Variants in FBXL20 observed in about 807,000 individuals in gnomAD.
FBXL20 encodes F-box and leucine rich repeat protein 20.
FBXL20 carries 11 observed loss-of-function variants against 64.0 expected under a neutral mutation model. The observed-to-expected ratio is 0.17, with a 90% confidence interval of 0.11 to 0.28. The LOEUF (loss-of-function observed/expected upper bound fraction) is 0.28, where lower values mean the gene tolerates loss of function less well. Ranked by LOEUF, FBXL20 falls within the 10% of genes least tolerant of loss-of-function variation. The pLI is 1.00. For missense variants in FBXL20, 303 were observed against 526.2 expected, an observed-to-expected ratio of 0.58 and a Z score of 4.15; for synonymous variants, 184 against 189.0, an observed-to-expected ratio of 0.97 and a Z score of 0.22.
intron 12 of FBXL20, among the ~76,000 whole-genome samples, chr17:39,268,367 T>C (rs924007657): frequency 6.6e-6 from 1 of 151,776 alleles, no homozygotes; most frequent in African/African-American, 2.4e-5. Context: ...AAAATAATAA[T>C]AATAATTAAA....
chr17:39,386,058 A>G (rs1281729436), intron 1 of FBXL20, among the ~76,000 whole-genome samples: 1 of 138,588 alleles, frequency 7.2e-6, no homozygotes, highest in African/African-American at 2.8e-5. Flanking sequence ...CCAACTAATC[A>G]GTCCTGCTGG....
chr17:39,387,694 C>T (rs1170949538), intron 1 of FBXL20, among the ~76,000 whole-genome samples: 1 of 151,806 alleles, frequency 6.6e-6, no homozygotes, highest in East Asian at 1.9e-4. Flanking sequence ...CCTTCTACCT[C>T]ACCCTCCCAA....
At chr17:39,366,864 G>A (rs2047864861) in intron 1 of FBXL20, among the ~76,000 whole-genome samples, 1 of 148,234 alleles carries the variant, frequency 6.7e-6, no homozygotes, top group African/African-American at 2.5e-5. Flanking sequence ...TTGGTCTGAG[G>A]TTATTATTCT....
chr17:39,359,200 C>G (rs957932113), intron 1 of FBXL20, among the ~76,000 whole-genome samples: 1 of 151,852 alleles, frequency 6.6e-6, no homozygotes, highest in African/African-American at 2.4e-5. Flanking sequence ...CGTGGCGGCA[C>G]GCACTTGTAC....
At chr17:39,339,702 G>C (rs546079983) in intron 2 of FBXL20, among the ~76,000 whole-genome samples, 9 of 151,992 alleles carry the variant, frequency 5.9e-5, no homozygotes, top group Non-Finnish European at 7.4e-5. Context: ...CTGGAGTGCA[G>C]TGGCACGTGA....
At chr17:39,303,884 C>T (rs1425679768) in intron 2 of FBXL20, among the ~76,000 whole-genome samples, 1 of 152,050 alleles carries the variant, frequency 6.6e-6, no homozygotes. Flanking sequence ...CGGGGTTTCA[C>T]CATGTTGCCC....
At chr17:39,275,138 A>G (rs780169572) in intron 9 of FBXL20, 38 bp from the exon 10 acceptor site, 2 of 1,564,446 alleles carry the variant, frequency 1.3e-6, no homozygotes, top group Non-Finnish European at 1.7e-6. Context: ...AGATATTAGT[A>G]TCTTAGCAAA....
rs572871350 is a variant in FBXL20, at chr17:39,265,378, T to G, written c.990+19A>C. On this transcript the variant is annotated intron_variant, in intron 13 of 14. Coordinates refer to ENST00000264658, the MANE Select transcript of FBXL20 (RefSeq NM_032875.3). ...GATTAAACCCAGTAAACACATAAAG[T>G]TTTCAAAGTTAAACTCACCAATACT... The G allele has an allele frequency of 6.3e-7, 1 of 1,595,194 alleles. No homozygotes were observed. The highest frequency in any genetic ancestry group is 1.1e-5 in the South Asian group (1 of 90,044).
chr17:39,305,393 A>G (rs2047173154), intron 2 of FBXL20, among the ~76,000 whole-genome samples: 1 of 152,342 alleles, frequency 6.6e-6, no homozygotes, highest in Non-Finnish European at 1.5e-5. Context: ...CAAATAGTTC[A>G]GGGAATCCTG....
At chr17:39,278,337 G>C (rs981046105) in intron 9 of FBXL20, among the ~76,000 whole-genome samples, 2 of 151,952 alleles carry the variant, frequency 1.3e-5, no homozygotes, top group African/African-American at 4.8e-5. Flanking sequence ...GTAGAGATGG[G>C]GTTTCACCAT....
chr17:39,363,980 C>A (rs1487495629), intron 1 of FBXL20, among the ~76,000 whole-genome samples: 1 of 149,928 alleles, frequency 6.7e-6, no homozygotes, highest in African/African-American at 2.5e-5. Context: ...ACTTCCACCT[C>A]CTGGGTTCAA....
intron 2 of FBXL20, among the ~76,000 whole-genome samples, chr17:39,326,520 C>G (rs1056385857): frequency 6.6e-6 from 1 of 151,890 alleles, no homozygotes; most frequent in East Asian, 2.0e-4. Context: ...ACTAGGAGGG[C>G]TGAGGTGGGG....
chr17:39,315,870 A>AGAGAGAGAGAGAGC (rs1267884348), intron 2 of FBXL20, among the ~76,000 whole-genome samples: 24 of 139,318 alleles, frequency 1.7e-4, no homozygotes, highest in East Asian at 6.1e-4. Flanking sequence ...AGAGAGAGAG[A>AGAGAGAGAGAGAGC]GCAACTGTAG....
At chr17:39,377,439 T>A (rs1206214691) in intron 1 of FBXL20, among the ~76,000 whole-genome samples, 2 of 152,066 alleles carry the variant, frequency 1.3e-5, no homozygotes, top group Non-Finnish European at 2.9e-5. Context: ...AAAACTCCCG[T>A]TTCCCGCACA....
intron 2 of FBXL20, among the ~76,000 whole-genome samples, chr17:39,319,121 T>G (rs2047324987): frequency 6.6e-6 from 1 of 150,924 alleles, no homozygotes; most frequent in African/African-American, 2.4e-5. Flanking sequence ...TGGTGGAGCA[T>G]GCCTGTAATT....
At chr17:39,354,629 G>A (rs945283870) in intron 1 of FBXL20, among the ~76,000 whole-genome samples, 2 of 152,176 alleles carry the variant, frequency 1.3e-5, no homozygotes, top group African/African-American at 4.8e-5. Flanking sequence ...GAATCTGGAA[G>A]TACTCTAATC....
chr17:39,389,136 C>A lies in FBXL20; in HGVS notation c.42+12225G>T, dbSNP rs911328394. ...AAAAAAAAAAAAAAAAAAATTAGATCTACATTTGGGAAGCTTCTTTTATAT... is the reference window on the plus strand; with the variant it reads ...AAAAAAAAAAAAAAAAAAATTAGATATACATTTGGGAAGCTTCTTTTATAT... On this transcript the variant is annotated intron_variant, in intron 1 of 14. Coordinates refer to ENST00000264658, the MANE Select transcript of FBXL20 (RefSeq NM_032875.3). Among the ~76,000 whole-genome samples, 26 of 140,836 alleles carry A rather than the reference C, an allele frequency of 1.8e-4. 1 individual carries two copies. The East Asian group carries it at 2.0e-3, about 11-fold the overall frequency. The allele number at this position is 140,836 out of a possible 152,430, so 92.4% of individuals were successfully genotyped here.
rs1383107907 is a variant in FBXL20 at position 39,259,441 on chromosome 17, C to G, written c.*2019G>C. On this transcript the variant is annotated 3_prime_UTR_variant, in exon 15 of 15. Transcript: ENST00000264658. ...CAAAATCACCCTACTAAAAATCACA[C>G]TGGGTTTCTAATCTTGGGGTTTAGA... The G allele has an allele frequency of 6.6e-6, 1 of 152,122 alleles. No homozygotes were observed. The highest frequency in any genetic ancestry group is 2.4e-5 in the African/African-American group (1 of 41,418). The allele number at this position is 152,122 out of a possible 1,614,324, so 9.4% of individuals were successfully genotyped here. A position where few individuals can be genotyped will look rare whatever the true frequency, so the allele number is the denominator to read the frequency against.
chr17:39,285,069 C>A (rs1567863641), intron 7 of FBXL20, among the ~76,000 whole-genome samples: 1 of 152,036 alleles, frequency 6.6e-6, no homozygotes. Flanking sequence ...CCATGCCCAA[C>A]TAATTTTTAT....
Sources: allele counts gnomAD v4.1 joint callset (sites outside exome capture counted in the v4.1 genomes callset), GRCh38; gene constraint gnomAD v4.1.1; transcripts MANE v1.5; gene names NCBI Gene and HGNC (gene_info 2026-07-23, HGNC 2026-07-21).